ZNF737: variants seen among roughly 807,000 people sequenced by gnomAD.
The protein encoded by ZNF737 is zinc finger protein 102 (Y3).
In ZNF737, 13 loss-of-function variants were observed where a neutral mutation model predicts 11.7. That is an observed-to-expected ratio of 1.11 (90% CI 0.73 to 1.77). ZNF737 has a LOEUF of 1.77. ZNF737 is among the 40% of genes most tolerant of loss of function. The pLI is 0.00. For missense variants in ZNF737, 636 were observed against 638.0 expected, an observed-to-expected ratio of 1.00 and a Z score of 0.03; for synonymous variants, 217 against 216.2, an observed-to-expected ratio of 1.00 and a Z score of -0.03.
downstream of ZNF737, among the ~76,000 whole-genome samples, chr19:20,537,190 G>GT (rs1968001277): frequency 7.1e-6 from 1 of 140,014 alleles, no homozygotes; most frequent in African/African-American, 2.9e-5. Flanking sequence ...TTAAGGTACT[G>GT]GTTTTTTTTT....
downstream of ZNF737, among the ~76,000 whole-genome samples, chr19:20,534,974 GAC>G (rs761486996): frequency 3.3e-5 from 5 of 149,836 alleles, no homozygotes; most frequent in Non-Finnish European, 4.4e-5. Context: ...AGTAAGCAAA[GAC>G]AGAGAAATGA....
intron 1 of ZNF737, among the ~76,000 whole-genome samples, chr19:20,554,574 A>G (rs1238638404): frequency 6.6e-6 from 1 of 152,242 alleles, no homozygotes; most frequent in Non-Finnish European, 1.5e-5. Flanking sequence ...TGAATCATTA[A>G]CCATTAACTT....
intron 3 of ZNF737, among the ~76,000 whole-genome samples, chr19:20,546,540 T>A (rs1968462673): frequency 6.6e-6 from 1 of 152,220 alleles, no homozygotes; most frequent in African/African-American, 2.4e-5. Flanking sequence ...AAAACCAAGA[T>A]AATACACAGT....
In ZNF737 at chr19:20,543,648, C is replaced by T; in HGVS notation, c.*944G>A. Reference sequence around the variant, plus strand: ...TAGGAGTTTTGCCAGTATGAATTATCCAACCTACAATCAAGAGTGGCAACC... The same window carrying T: ...TAGGAGTTTTGCCAGTATGAATTATTCAACCTACAATCAAGAGTGGCAACC... On this transcript the variant is annotated 3_prime_UTR_variant, in exon 4 of 4. Coordinates refer to ENST00000427401, the MANE Select transcript of ZNF737 (RefSeq NM_001159293.2). 1.0e-6 allele frequency: 1 copy of T among 985,454 alleles called. No homozygotes were observed. Among genetic ancestry groups the T allele is most frequent in the Non-Finnish European group, 1.2e-6 (1 of 829,926 alleles). 61.0% of individuals were successfully genotyped at this position (985,454 alleles called of 1,614,324 possible). A position where few individuals can be genotyped will look rare whatever the true frequency, so the allele number is the denominator to read the frequency against.
At chr19:20,564,357 C>A (rs1969216358) in intron 1 of ZNF737, among the ~76,000 whole-genome samples, 1 of 152,158 alleles carries the variant, frequency 6.6e-6, no homozygotes, top group Non-Finnish European at 1.5e-5. Flanking sequence ...ATCTATGTAA[C>A]TCATCAATTA....
downstream of ZNF737, chr19:20,536,019 A>G (rs1395598277): frequency 1.1e-6 from 1 of 912,344 alleles, no homozygotes; most frequent in African/African-American, 1.8e-5. Flanking sequence ...CAGCCAATGG[A>G]TGAAAAAAGA....
intron 1 of ZNF737, among the ~76,000 whole-genome samples, chr19:20,560,325 G>A (rs1278322828): frequency 1.3e-5 from 2 of 151,982 alleles, no homozygotes; most frequent in Non-Finnish European, 2.9e-5. Flanking sequence ...CTCTAGCCTG[G>A]GCAATAAGGG....
rs1968197683 is a variant in ZNF737 at position 20,541,334 on chromosome 19, CTA to C, written c.*3256_*3257del. On this transcript the variant is annotated 3_prime_UTR_variant, in exon 4 of 4. Coordinates refer to ENST00000427401, the MANE Select transcript of ZNF737 (RefSeq NM_001159293.2). The stretch of plus-strand genomic sequence containing the variant: ...CAGAGTAATATGTGTATATTTAACT[CTA>C]TGTAAATTAAAACTAAAAGTCTATG... The C allele has an allele frequency of 2.0e-6, 2 of 982,966 alleles. No individual in the cohort carries two copies. Among genetic ancestry groups the C allele is most frequent in the African/African-American group, 3.5e-5 (2 of 57,142 alleles). 60.9% of individuals were successfully genotyped at this position (982,966 alleles called of 1,614,324 possible). A position where few individuals can be genotyped will look rare whatever the true frequency, so the allele number is the denominator to read the frequency against.
chr19:20,542,622 T>G lies in ZNF737; in HGVS notation c.*1970A>C, dbSNP rs182706276. The G allele has an allele frequency of 3.8e-4, 371 of 973,874 alleles. 2 individuals are homozygous for G. In the Middle Eastern group the frequency reaches 6.3e-3, roughly 17 times the overall value. The allele number at this position is 973,874 out of a possible 1,614,324, so 60.3% of individuals were successfully genotyped here. A position where few individuals can be genotyped will look rare whatever the true frequency, so the allele number is the denominator to read the frequency against. ...TTTATTTTAATATACTTTTAATTAT[T>G]TCTTTGTGTCACTATAATAAAGTAT... On this transcript the variant is annotated 3_prime_UTR_variant, in exon 4 of 4. Coordinates refer to ENST00000427401, the MANE Select transcript of ZNF737 (RefSeq NM_001159293.2).
rs1968374921 is a variant in ZNF737 at position 20,544,909 on chromosome 19, T to C, written c.1294A>G (p.Lys432Glu). 2 of 1,613,064 alleles carry C rather than the reference T, an allele frequency of 1.2e-6. No individual in the cohort carries two copies. Among genetic ancestry groups the C allele is most frequent in the African/African-American group, 2.7e-5 (2 of 74,832 alleles). ...QQPFKCEECG[K>E]AFKCFSILTT... The stretch of plus-strand genomic sequence containing the variant: ...AGGATAGAGAAGCACTTAAAGGCCT[T>C]GCCACATTCTTCACACTTGAAGGGT... The change falls in exon 4 of 4, where the codon AAG (lysine) becomes GAG (glutamate). Residue 432 changes from lysine (K) to glutamate (E), a missense_variant. Physicochemically the swap from Lys to Glu is moderately conservative, Grantham distance 56. Transcript: ENST00000427401.
chr19:20,535,951 T>C, downstream of ZNF737: 1 of 442,878 alleles, frequency 2.3e-6, no homozygotes, highest in Non-Finnish European at 3.0e-6. Context: ...TTAAGAGAGC[T>C]TCTTCAGGAT....
downstream of ZNF737, among the ~76,000 whole-genome samples, chr19:20,537,013 G>T (rs33938): frequency 0.053 from 8,016 of 152,056 alleles, 261 homozygotes; most frequent in East Asian, 0.19. Flanking sequence ...TGAGGCAGGA[G>T]AATCGCTTAA....
chr19:20,543,177 T>C lies in ZNF737; in HGVS notation c.*1415A>G. On this transcript the variant is annotated 3_prime_UTR_variant, in exon 4 of 4. Transcript: ENST00000427401. The stretch of plus-strand genomic sequence containing the variant: ...AAATTATATTTTAGCATAAACTCTC[T>C]GTTGTTTTCTAAGCTGTAGTTTCTG... The C allele has an allele frequency of 3.2e-6, 3 of 944,006 alleles. No homozygotes were observed. Among genetic ancestry groups the C allele is most frequent in the Non-Finnish European group, 3.7e-6 (3 of 804,520 alleles). 58.5% of individuals were successfully genotyped at this position (944,006 alleles called of 1,614,324 possible).
At chr19:20,562,689 A>T in intron 1 of ZNF737, among the ~76,000 whole-genome samples, 1 of 152,038 alleles carries the variant, frequency 6.6e-6, no homozygotes, top group South Asian at 2.1e-4. Context: ...ACCTGACCTC[A>T]GGTGATCCGC....
At chr19:20,549,361 A>G (rs958214659) in intron 3 of ZNF737, among the ~76,000 whole-genome samples, 2 of 152,246 alleles carry the variant, frequency 1.3e-5, no homozygotes, top group African/African-American at 4.8e-5. Flanking sequence ...CAGAGGCAGT[A>G]GGTCACATCT....
chr19:20,563,405 C>T (rs7260418), intron 1 of ZNF737, among the ~76,000 whole-genome samples: 114,193 of 149,996 alleles, frequency 0.76, 43,580 homozygotes, highest in East Asian at 0.82. Context: ...CAGAGTTATT[C>T]ACTTGGTTTT....
intron 1 of ZNF737, among the ~76,000 whole-genome samples, chr19:20,557,817 A>G (rs1264109109): frequency 2.0e-5 from 3 of 152,090 alleles, no homozygotes; most frequent in East Asian, 1.9e-4. Context: ...GCATTTCACC[A>G]TATTAGCCAG....
At chr19:20,536,059 G>A (rs1967953906), downstream of ZNF737, 2 of 982,852 alleles carry the variant, frequency 2.0e-6, no homozygotes, top group Admixed American at 6.2e-5. Context: ...CCTTTTATCC[G>A]CTTCACTTCC....
At chr19:20,564,524 G>A (rs1242606698) in intron 1 of ZNF737, among the ~76,000 whole-genome samples, 1 of 151,792 alleles carries the variant, frequency 6.6e-6, no homozygotes, top group Non-Finnish European at 1.5e-5. Flanking sequence ...GTGGTGTCGC[G>A]TGCCCATAGC....
Sources: allele counts gnomAD v4.1 joint callset (sites outside exome capture counted in the v4.1 genomes callset), GRCh38; gene constraint gnomAD v4.1.1; transcripts MANE v1.5; gene names NCBI Gene and HGNC (gene_info 2026-07-23, HGNC 2026-07-21).